CYP2C19: variants seen among roughly 807,000 people sequenced by gnomAD.
CYP2C19 encodes the protein cytochrome P450 2C19.
A neutral mutation model predicts 40.9 loss-of-function variants in CYP2C19; 59 were observed. That is an observed-to-expected ratio of 1.44 (90% CI 1.17 to 1.79). CYP2C19 has a LOEUF of 1.79. Among genes scored for constraint, CYP2C19 ranks in the 40% most tolerant of loss-of-function variants. CYP2C19 has a pLI of 0.00. For missense variants in CYP2C19, 754 were observed against 596.9 expected (o/e 1.26, Z -2.74); for synonymous variants, 253 against 208.7 (o/e 1.21, Z -1.83).
At chr10:94,793,492 T>C (rs1848639263) in intron 5 of CYP2C19, among the ~76,000 whole-genome samples, 3 of 152,220 alleles carry the variant, frequency 2.0e-5, no homozygotes, top group Admixed American at 2.0e-4. Context: ...TTTGTGGTTT[T>C]ATCTACCTTT....
chr10:94,833,677 T>G (rs1236527611), intron 6 of CYP2C19, among the ~76,000 whole-genome samples: 1 of 152,226 alleles, frequency 6.6e-6, no homozygotes, highest in African/African-American at 2.4e-5. Context: ...AAATCATCAT[T>G]CTCAAGTGTT....
At chr10:94,799,431 AAC>A (rs1848734300) in intron 5 of CYP2C19, among the ~76,000 whole-genome samples, 1 of 152,210 alleles carries the variant, frequency 6.6e-6, no homozygotes, top group African/African-American at 2.4e-5. Flanking sequence ...TGCTGCCCTT[AAC>A]ACTTTTTCCT....
rs574462231 is a variant in CYP2C19, at chr10:94,781,960, G to A, written c.782G>A (p.Arg261Gln). 9.1e-6 allele frequency: 14 copies of A among 1,531,222 alleles called. No homozygotes were observed. The East Asian group carries it at 1.1e-4, about 12-fold the overall frequency. The allele number at this position is 1,531,222 out of a possible 1,614,324, so 94.9% of individuals were successfully genotyped here. A position where few individuals can be genotyped will look rare whatever the true frequency, so the allele number is the denominator to read the frequency against. The change falls in exon 5 of 9, where the codon CGG (arginine) becomes CAG (glutamine). Residue 261 changes from arginine (R) to glutamine (Q), a missense_variant. By Grantham distance (43) the Arg-to-Gln change is conservative. Transcript: ENST00000371321. The stretch of plus-strand genomic sequence containing the variant: ...GAATCGATGGACATCAACAACCCTC[G>A]GGACTTTATTGATTGCTTCCTGATC... The part of the protein sequence containing the change: ...HQESMDINNP[R>Q]DFIDCFLIKM...
intron 1 of CYP2C19, among the ~76,000 whole-genome samples, chr10:94,764,179 G>A (rs1848210961): frequency 6.6e-6 from 1 of 152,124 alleles, no homozygotes; most frequent in Non-Finnish European, 1.5e-5. Flanking sequence ...CCACAGCATG[G>A]AAGGGGACCC....
intron 5 of CYP2C19, among the ~76,000 whole-genome samples, chr10:94,818,282 G>A (rs1410106554): frequency 2.7e-5 from 4 of 148,142 alleles, no homozygotes; most frequent in Non-Finnish European, 3.0e-5. Flanking sequence ...ATGCTGTTTT[G>A]GTTACTGTAG....
At chr10:94,804,757 C>T (rs1180298282) in intron 5 of CYP2C19, among the ~76,000 whole-genome samples, 1 of 152,100 alleles carries the variant, frequency 6.6e-6, no homozygotes, top group Non-Finnish European at 1.5e-5. Flanking sequence ...ATGTCTTTCA[C>T]GATTTCTGTG....
intron 1 of CYP2C19, 23 bp from the exon 2 acceptor site, chr10:94,775,035 G>C (rs368928532): frequency 6.2e-7 from 1 of 1,612,528 alleles, no homozygotes; most frequent in Non-Finnish European, 8.5e-7. Context: ...TTCATTTGCT[G>C]TTAACTGTAT....
intron 6 of CYP2C19, among the ~76,000 whole-genome samples, chr10:94,832,530 G>A (rs898033725): frequency 6.6e-6 from 1 of 152,166 alleles, no homozygotes; most frequent in Admixed American, 6.5e-5. Context: ...TGGGGACACA[G>A]CCAAACCATG....
intron 5 of CYP2C19, among the ~76,000 whole-genome samples, chr10:94,805,579 A>G (rs1848823525): frequency 6.6e-6 from 1 of 152,168 alleles, no homozygotes; most frequent in African/African-American, 2.4e-5. Flanking sequence ...TGGAAACCTT[A>G]TACCCATTTA....
At chr10:94,851,909 CATG>C (rs1849659223) in intron 8 of CYP2C19, among the ~76,000 whole-genome samples, 1 of 152,096 alleles carries the variant, frequency 6.6e-6, no homozygotes, top group Admixed American at 6.6e-5. Context: ...GAAGCATGAA[CATG>C]ATGTTGAGGA....
At chr10:94,820,894 G>A (rs1370035719) in intron 6 of CYP2C19, among the ~76,000 whole-genome samples, 1 of 152,112 alleles carries the variant, frequency 6.6e-6, no homozygotes, top group Non-Finnish European at 1.5e-5. Context: ...GACCAGCCTG[G>A]CCAATATGGC....
At chr10:94,832,020 T>G (rs1849343395) in intron 6 of CYP2C19, among the ~76,000 whole-genome samples, 2 of 152,222 alleles carry the variant, frequency 1.3e-5, no homozygotes, top group African/African-American at 4.8e-5. Context: ...TTTCCTATAG[T>G]ATTTTCACAG....
chr10:94,803,216 C>A (rs571552334), intron 5 of CYP2C19, among the ~76,000 whole-genome samples: 1 of 152,246 alleles, frequency 6.6e-6, no homozygotes, highest in African/African-American at 2.4e-5. Flanking sequence ...TTGTTTTCTG[C>A]AGATAGAATT....
chr10:94,805,132 T>G (rs1015889152), intron 5 of CYP2C19, among the ~76,000 whole-genome samples: 2 of 152,148 alleles, frequency 1.3e-5, no homozygotes, highest in African/African-American at 4.8e-5. Flanking sequence ...TTTTTTTCTT[T>G]TCTTTCTGAT....
chr10:94,827,043 G>A (rs1186610393), intron 6 of CYP2C19, among the ~76,000 whole-genome samples: 2 of 152,068 alleles, frequency 1.3e-5, no homozygotes, highest in South Asian at 2.1e-4. Context: ...GCTTTTTGAT[G>A]TGCTGCTGGA....
chr10:94,800,831 C>T (rs975893719), intron 5 of CYP2C19, among the ~76,000 whole-genome samples: 8 of 152,312 alleles, frequency 5.3e-5, no homozygotes, highest in African/African-American at 7.2e-5. Context: ...GAGCCAGGCA[C>T]GGGAGAGAAT....
Position 94,781,879 on chromosome 10 carries a change from T to C in CYP2C19, c.701T>C (p.Leu234Pro). Residue 234 changes from leucine (L) to proline (P), a missense_variant, in exon 5 of 9, where the codon CTT becomes CCT. By Grantham distance (98) the Leu-to-Pro change is moderately conservative. Coordinates refer to ENST00000371321, the MANE Select transcript of CYP2C19 (RefSeq NM_000769.4). Reference sequence around the variant, plus strand: ...TTCCCGGGAACCCATAACAAATTACTTAAAAACCTTGCTTTTATGGAAAGT... The same window carrying C: ...TTCCCGGGAACCCATAACAAATTACCTAAAAACCTTGCTTTTATGGAAAGT... ...DYFPGTHNKL[L>P]KNLAFMESDI... 6.7e-7 allele frequency: 1 copy of C among 1,499,452 alleles called. No homozygotes were observed. 92.9% of individuals were successfully genotyped at this position (1,499,452 alleles called of 1,614,324 possible).
intron 5 of CYP2C19, among the ~76,000 whole-genome samples, chr10:94,802,424 T>C (rs1419095816): frequency 6.6e-6 from 1 of 152,136 alleles, no homozygotes; most frequent in East Asian, 1.9e-4. Context: ...TTTATTGCTT[T>C]CTATCTGCTT....
chr10:94,781,557 T>C (rs765716857), intron 4 of CYP2C19, among the ~76,000 whole-genome samples: 2 of 152,100 alleles, frequency 1.3e-5, no homozygotes, highest in Non-Finnish European at 2.9e-5. Context: ...AGTAAGAGAA[T>C]TAATATAAAG....
Sources: allele counts gnomAD v4.1 joint callset (sites outside exome capture counted in the v4.1 genomes callset), GRCh38; gene constraint gnomAD v4.1.1; transcripts MANE v1.5; gene names NCBI Gene and HGNC (gene_info 2026-07-23, HGNC 2026-07-21).